The following CNGA3 variants were observed in gnomAD, a reference collection of about 807,000 sequenced individuals.
CNGA3 encodes cyclic nucleotide-gated channel alpha-3.
Under a neutral mutation model 46.6 loss-of-function variants are expected in CNGA3, and 42 were observed. That is an observed-to-expected ratio of 0.90 (90% confidence interval 0.70 to 1.17). The LOEUF is 1.17. CNGA3 is among the 50% of genes most tolerant of loss of function. The probability of loss-of-function intolerance (pLI) is 0.00; values close to 1 mark genes in which losing one functional copy is unlikely to be tolerated. For synonymous variants in CNGA3, 394 were observed against 369.4 expected (o/e 1.07, Z -0.76); for missense variants, 893 against 890.7 (o/e 1.00, Z -0.03).
At chr2:98,360,833 AT>A (rs879527187) in intron 1 of CNGA3, among the ~76,000 whole-genome samples, 10 of 152,096 alleles carry the variant, frequency 6.6e-5, no homozygotes, top group Non-Finnish European at 1.2e-4. Context: ...CCATTTCCTC[AT>A]CTATGCAATG....
At chr2:98,351,544 CTCTT>C (rs1691769929) in intron 1 of CNGA3, among the ~76,000 whole-genome samples, 1 of 152,168 alleles carries the variant, frequency 6.6e-6, no homozygotes. Flanking sequence ...TCCATTAAAC[CTCTT>C]TCTTTTGTAA....
At position 98,398,312 on chromosome 2, in the gene CNGA3, T is replaced by A. The variant is rs1692971926; in HGVS notation, c.*1057T>A. On this transcript the variant is annotated 3_prime_UTR_variant, in exon 8 of 8. Transcript: ENST00000272602. ...CAAACCCCAGTAAATATAATTTCAT[T>A]AACATTTTATAACAGATTTATATTT... The A allele has an allele frequency of 1.3e-5, 2 of 152,224 alleles. No individual in the cohort carries two copies. The highest frequency in any genetic ancestry group is 4.1e-4 in the South Asian group (2 of 4,828). 9.4% of individuals were successfully genotyped at this position (152,224 alleles called of 1,614,324 possible).
In CNGA3 at chr2:98,377,690, C is replaced by G. The variant is rs759618030; in HGVS notation, c.105C>G (p.Ala35=). Residue 35 remains alanine (A), a synonymous_variant, in exon 3 of 8, where the codon GCC becomes GCG. Coordinates refer to ENST00000272602, the MANE Select transcript of CNGA3 (RefSeq NM_001298.3). Reference sequence around the variant, plus strand: ...TGCTGCATATCTGATTTCCTAGAGCCCACTCGTCAAGTGAGGAGACATCGT... The same window carrying G: ...TGCTGCATATCTGATTTCCTAGAGCGCACTCGTCAAGTGAGGAGACATCGT... ...LNRAENGLSR[A]HSSSEETSSV... The G allele has an allele frequency of 1.2e-5, 19 of 1,612,948 alleles. No homozygotes were observed. Among genetic ancestry groups the G allele is most frequent in the Middle Eastern group, 3.6e-4 (2 of 5,612 alleles).
At chr2:98,371,406 G>A (rs1414724256) in intron 2 of CNGA3, among the ~76,000 whole-genome samples, 1 of 152,080 alleles carries the variant, frequency 6.6e-6, no homozygotes, top group Non-Finnish European at 1.5e-5. Context: ...CTTGGTCCCA[G>A]CTCCTCAGCA....
intron 1 of CNGA3, among the ~76,000 whole-genome samples, chr2:98,356,527 C>G (rs764217597): frequency 6.6e-6 from 1 of 152,268 alleles, no homozygotes; most frequent in South Asian, 2.1e-4. Flanking sequence ...ACCCGCCAAA[C>G]CCTGGCTGAA....
chr2:98,394,780 G>A (rs543138135), intron 7 of CNGA3, among the ~76,000 whole-genome samples: 63 of 152,338 alleles, frequency 4.1e-4, no homozygotes, highest in African/African-American at 1.4e-3. Context: ...GGAAGAGTTA[G>A]GCTTGGGAAC....
intron 5 of CNGA3, among the ~76,000 whole-genome samples, chr2:98,388,930 G>T (rs1285263567): frequency 2.0e-5 from 3 of 152,240 alleles, no homozygotes; most frequent in African/African-American, 7.2e-5. Context: ...GCATGGGATG[G>T]CAGAGGGGAC....
In CNGA3 at chr2:98,391,984, A is replaced by G. The variant is rs1692801494; in HGVS notation, c.673+14A>G. ...GAGCTCGGACAGGTGAGTGTGCCCC[A>G]GGCCTGGGGAGGGGACCATGGCCCC... On this transcript the variant is annotated intron_variant, in intron 7 of 7. Transcript: ENST00000272602. 2 of 1,608,774 alleles carry G rather than the reference A, an allele frequency of 1.2e-6. No homozygotes were observed. The highest frequency in any genetic ancestry group is 2.2e-5 in the South Asian group (2 of 90,982).
chr2:98,373,468 G>A (rs1692333893), intron 2 of CNGA3, among the ~76,000 whole-genome samples: 2 of 152,046 alleles, frequency 1.3e-5, no homozygotes, highest in African/African-American at 4.8e-5. Context: ...CTCGCTGAGT[G>A]CCCCCAAGAG....
intron 1 of CNGA3, among the ~76,000 whole-genome samples, chr2:98,364,449 C>T (rs952290150): frequency 6.6e-6 from 1 of 152,092 alleles, no homozygotes; most frequent in Non-Finnish European, 1.5e-5. Flanking sequence ...CTGCTTTTTT[C>T]TCCTTTCCAT....
At chr2:98,387,290 CTTGA>C (rs1322251114) in intron 5 of CNGA3, among the ~76,000 whole-genome samples, 2 of 152,144 alleles carry the variant, frequency 1.3e-5, no homozygotes, top group East Asian at 1.9e-4. Context: ...CGCACACAGC[CTTGA>C]TTATTTCCAT....
chr2:98,351,125 T>C (rs1280804070), intron 1 of CNGA3: 1 of 152,256 alleles, frequency 6.6e-6, no homozygotes, highest in Non-Finnish European at 1.5e-5. Context: ...GAAGCTTTAA[T>C]ACTTATTGGT....
intron 5 of CNGA3, among the ~76,000 whole-genome samples, chr2:98,385,825 G>A (rs1425171451): frequency 6.6e-6 from 1 of 152,144 alleles, no homozygotes; most frequent in Non-Finnish European, 1.5e-5. Context: ...GAAGGCAAAG[G>A]GGGAGCAAGG....
At position 98,398,347 on chromosome 2, in the gene CNGA3, G is replaced by T. The variant is rs962008217; in HGVS notation, c.*1092G>T. 6.6e-6 allele frequency: 1 copy of T among 152,042 alleles called. No individual in the cohort carries two copies. The highest frequency in any genetic ancestry group is 1.5e-5 in the Non-Finnish European group (1 of 68,002). 9.4% of individuals were successfully genotyped at this position (152,042 alleles called of 1,614,324 possible). On this transcript the variant is annotated 3_prime_UTR_variant, in exon 8 of 8. Coordinates refer to ENST00000272602, the MANE Select transcript of CNGA3 (RefSeq NM_001298.3). Reference sequence around the variant, plus strand: ...TAACAGATTTATATTTTTGAGTTCCGTGATTGCAAATTATGACCTCAAATT... The same window carrying T: ...TAACAGATTTATATTTTTGAGTTCCTTGATTGCAAATTATGACCTCAAATT...
intron 2 of CNGA3, among the ~76,000 whole-genome samples, chr2:98,370,483 T>C (rs1692260174): frequency 6.6e-6 from 1 of 152,212 alleles, no homozygotes; most frequent in Non-Finnish European, 1.5e-5. Context: ...ACCAAAGATG[T>C]AGCATGAATC....
rs533596832 is a variant in CNGA3 at position 98,391,923 on chromosome 2, C to A, written c.626C>A (p.Ser209Ter). The A allele has an allele frequency of 3.1e-6, 5 of 1,614,132 alleles. No homozygotes were observed. The highest frequency in any genetic ancestry group is 4.2e-6 in the Non-Finnish European group (5 of 1,180,018). The change falls in exon 7 of 8, where the codon TCG becomes TAG. Residue 209 changes from serine (S) to a stop codon, truncating the protein, a stop_gained. Transcript: ENST00000272602. LOFTEE classifies it low-confidence loss of function (END_TRUNC). Reference protein sequence around the residue: ...YLMLWLVLDYSADVLYVLDVL... With the variant: ...YLMLWLVLDY ...ATGCTGTGGCTGGTCCTGGACTACTCGGCAGATGTCCTGTATGTCTTGGAT... is the reference window on the plus strand; with the variant it reads ...ATGCTGTGGCTGGTCCTGGACTACTAGGCAGATGTCCTGTATGTCTTGGAT...
At chr2:98,379,942 G>T in intron 3 of CNGA3, 1 of 592,826 alleles carries the variant, frequency 1.7e-6, no homozygotes, top group Non-Finnish European at 3.0e-6. Context: ...GGGGAAGCCT[G>T]CCCCTGACTG....
rs1412304330 is a variant in CNGA3, at chr2:98,346,475, C to T, written c.-97C>T. The T allele has an allele frequency of 7.5e-6, 3 of 398,456 alleles. No individual in the cohort carries two copies. The highest frequency in any genetic ancestry group is 6.3e-4 in the Middle Eastern group (1 of 1,590). 24.7% of individuals were successfully genotyped at this position (398,456 alleles called of 1,614,324 possible). ...GCGAGCGGAACTGCGCCTAGGAGGC[C>T]GAGGGAGGAGGCGCTCCGCAGACCC... On this transcript the variant is annotated 5_prime_UTR_variant, in exon 1 of 8. Coordinates refer to ENST00000272602, the MANE Select transcript of CNGA3 (RefSeq NM_001298.3).
intron 2 of CNGA3, among the ~76,000 whole-genome samples, chr2:98,370,480 A>G (rs1350762288): frequency 6.6e-5 from 10 of 152,216 alleles, no homozygotes; most frequent in Admixed American, 6.5e-4. Context: ...GGCACCAAAG[A>G]TGTAGCATGA....
Sources: allele counts gnomAD v4.1 joint callset (sites outside exome capture counted in the v4.1 genomes callset), GRCh38; gene constraint gnomAD v4.1.1; transcripts MANE v1.5; gene names NCBI Gene and HGNC (gene_info 2026-07-23, HGNC 2026-07-21).